The following CRACR2A variants were observed in gnomAD, a reference collection of about 807,000 sequenced individuals.
CRACR2A encodes the protein EF-hand calcium-binding domain-containing protein 4B.
Under a neutral mutation model 90.5 loss-of-function variants are expected in CRACR2A, and 79 were observed. The ratio of observed to expected loss-of-function variants is 0.87; its 90% CI spans 0.73 to 1.05. The LOEUF (loss-of-function observed/expected upper bound fraction) is 1.05, where lower values mean the gene tolerates loss of function less well. CRACR2A is among the 50% of genes least tolerant of loss of function. The pLI is 0.00. For synonymous variants in CRACR2A, 338 were observed against 356.7 expected (o/e 0.95, Z 0.59); for missense variants, 823 against 897.2 (o/e 0.92, Z 1.06).
intron 10 of CRACR2A, 138 bp downstream of exon 10, chr12:3,654,074 G>C: frequency 1.1e-6 from 1 of 894,092 alleles, no homozygotes; most frequent in Non-Finnish European, 1.7e-6. Context: ...AGGAGTGTTA[G>C]AAGAGTCTCA....
Position 3,633,546 on chromosome 12 carries a change from C to T in CRACR2A, c.1735+58G>A. 6.5e-7 allele frequency: 1 copy of T among 1,548,054 alleles called. No individual in the cohort carries two copies. Among genetic ancestry groups the T allele is most frequent in the Non-Finnish European group, 8.7e-7 (1 of 1,144,526 alleles). On this transcript the variant is annotated intron_variant, in intron 15 of 19. Transcript: ENST00000440314. The surrounding 1 kb of genome is among the most constrained non-coding windows in gnomAD (Gnocchi z 4.5). ...AACGCTCCCTGCCCCGGGCCCCCTT[C>T]TCACAAACTCCCTTCCCAAAGATGG...
chr12:3,655,739 C>T (rs1374681792), intron 9 of CRACR2A, among the ~76,000 whole-genome samples: 3 of 152,210 alleles, frequency 2.0e-5, no homozygotes, highest in African/African-American at 7.2e-5. Flanking sequence ...CAGCCTGCCT[C>T]CTGGAGGCTC....
chr12:3,680,528 A>G (rs1359871513), intron 4 of CRACR2A, among the ~76,000 whole-genome samples, 179 bp from the exon 5 acceptor site: 1 of 152,226 alleles, frequency 6.6e-6, no homozygotes, highest in African/African-American at 2.4e-5. Flanking sequence ...GCATGTTAGC[A>G]CAACTACCAT....
At chr12:3,635,924 A>T (rs1283081894) in intron 14 of CRACR2A, among the ~76,000 whole-genome samples, 1 of 152,198 alleles carries the variant, frequency 6.6e-6, no homozygotes, top group Non-Finnish European at 1.5e-5. Flanking sequence ...GAAATTTGAG[A>T]TATATAAAAT....
chr12:3,648,514 C>G, intron 11 of CRACR2A, 28 bp downstream of exon 11: 3 of 1,614,110 alleles, frequency 1.9e-6, no homozygotes, highest in Non-Finnish European at 2.5e-6. Flanking sequence ...GAGGTGCTCT[C>G]AGCACAGGCC....
chr12:3,671,392 C>G (rs1211689639), intron 7 of CRACR2A, among the ~76,000 whole-genome samples: 2 of 152,056 alleles, frequency 1.3e-5, no homozygotes, highest in South Asian at 2.1e-4. Context: ...GATAGGAAAA[C>G]CAAGGCTCAA....
chr12:3,704,668 G>A (rs994391571), intron 3 of CRACR2A, among the ~76,000 whole-genome samples: 2 of 152,164 alleles, frequency 1.3e-5, no homozygotes, highest in Non-Finnish European at 2.9e-5. Flanking sequence ...TGCAAATCTA[G>A]TCCAGTCCAT....
chr12:3,625,280 G>A (rs1049019690), intron 17 of CRACR2A, among the ~76,000 whole-genome samples: 3 of 151,992 alleles, frequency 2.0e-5, no homozygotes, highest in Admixed American at 6.6e-5. Context: ...ACAAAGCAAC[G>A]TCTCTGGAGG....
chr12:3,632,409 A>G (rs573716717), intron 15 of CRACR2A, among the ~76,000 whole-genome samples: 1 of 152,310 alleles, frequency 6.6e-6, no homozygotes, highest in East Asian at 1.9e-4. Context: ...TGAAGCCCTA[A>G]GAGGCACCAC....
chr12:3,708,525 C>T (rs921950337), intron 3 of CRACR2A, among the ~76,000 whole-genome samples: 1 of 152,114 alleles, frequency 6.6e-6, no homozygotes, highest in Non-Finnish European at 1.5e-5. Flanking sequence ...CCCGGGTTCG[C>T]GCCATTCTCC....
chr12:3,695,824 C>T (rs1945729644), intron 4 of CRACR2A, among the ~76,000 whole-genome samples: 1 of 152,160 alleles, frequency 6.6e-6, no homozygotes, highest in Non-Finnish European at 1.5e-5. Context: ...TTTTATTCAC[C>T]CATGTTCAAG....
At chr12:3,658,018 A>C (rs930656728) in intron 8 of CRACR2A, among the ~76,000 whole-genome samples, 3 of 152,176 alleles carry the variant, frequency 2.0e-5, no homozygotes, top group African/African-American at 4.8e-5. Context: ...CTTTGTATCT[A>C]ATGGCTTAAT....
intron 6 of CRACR2A, 29 bp from the exon 7 acceptor site, chr12:3,673,621 G>T: frequency 6.2e-7 from 1 of 1,606,872 alleles, no homozygotes; most frequent in South Asian, 1.1e-5. Context: ...TCATGTGGAA[G>T]TGTGGAGATG....
At chr12:3,651,757 G>A (rs1944798543) in intron 10 of CRACR2A, among the ~76,000 whole-genome samples, 1 of 152,154 alleles carries the variant, frequency 6.6e-6, no homozygotes, top group Non-Finnish European at 1.5e-5. Context: ...GGACTATCAG[G>A]AGAACTGGGC....
chr12:3,661,593 G>C (rs2137511800), intron 7 of CRACR2A, among the ~76,000 whole-genome samples: 1 of 152,306 alleles, frequency 6.6e-6, no homozygotes, highest in South Asian at 2.1e-4. Flanking sequence ...TAAAATCTTG[G>C]AGGGAAAGTA....
chr12:3,672,173 A>G (rs1049506306), intron 7 of CRACR2A, among the ~76,000 whole-genome samples: 2 of 152,186 alleles, frequency 1.3e-5, no homozygotes, highest in Non-Finnish European at 2.9e-5. Flanking sequence ...TGTATACCCA[A>G]TGGACCTCAA....
chr12:3,640,581 C>A, intron 13 of CRACR2A: 2 of 1,287,376 alleles, frequency 1.6e-6, no homozygotes, highest in Non-Finnish European at 2.0e-6. Flanking sequence ...AGATTTGGCT[C>A]CCAAATTGTA....
Position 3,654,247 on chromosome 12 carries a change from C to T in CRACR2A, c.1011G>A (p.Gln337=), listed in dbSNP as rs1456606353. 6.2e-7 allele frequency: 1 copy of T among 1,613,630 alleles called. No homozygotes were observed. The highest frequency in any genetic ancestry group is 8.5e-7 in the Non-Finnish European group (1 of 1,179,898). The change falls in exon 10 of 20, where the codon CAG becomes CAA. Residue 337 remains glutamine, a synonymous_variant. Transcript: ENST00000440314. ...CTTGGTGGAGTTTGCAGGCCTCTTG[C>T]TGGAGGCTTTCCAACTGCTGCTGAG... The part of the protein sequence containing the change: ...QDAQQQLESL[Q]QEACKLHQEK...
At position 3,627,625 on chromosome 12, in the gene CRACR2A, C is replaced by T; in HGVS notation, c.1817G>A (p.Arg606Lys). Residue 606 changes from arginine (R) to lysine (K), a missense_variant and splice_region_variant, in exon 16 of 20, where the codon AGG (arginine) becomes AAG (lysine). Coordinates refer to ENST00000440314, the MANE Select transcript of CRACR2A (RefSeq NM_001144958.2). Reference protein sequence around the residue: ...LQLWDTAGQERYRCITQQFFR... With the variant: ...LQLWDTAGQEKYRCITQQFFR... ...CCCAGAACTTCGGGCAGCTCCTCAC[C>T]TCTCCTGCCCAGCCGTGTCCCACAG... The T allele has an allele frequency of 6.4e-7, 1 of 1,551,728 alleles. No homozygotes were observed. The highest frequency in any genetic ancestry group is 8.7e-7 in the Non-Finnish European group (1 of 1,147,006).
Sources: gnomAD v4.1 joint callset for allele counts (sites outside exome capture counted in the v4.1 genomes callset) on GRCh38, gnomAD v4.1.1 for gene constraint, Gnocchi (gnomAD v3.1) non-coding constraint, MANE v1.5 for transcripts, NCBI Gene and HGNC (gene_info 2026-07-23, HGNC 2026-07-21) for gene names.